Variants in CAST observed in about 807,000 individuals in gnomAD.
The protein encoded by CAST is MIR583 host.
CAST carries 76 observed loss-of-function variants against 119.6 expected under a neutral mutation model. The observed-to-expected ratio is 0.64, with a 90% CI of 0.53 to 0.77. CAST has a LOEUF of 0.77. Ranked by LOEUF, CAST falls within the 30% of genes least tolerant of loss-of-function variation. The probability of loss-of-function intolerance (pLI) is 0.00; values close to 1 mark genes in which losing one functional copy is unlikely to be tolerated. For missense variants in CAST, 953 were observed against 946.5 expected, an observed-to-expected ratio of 1.01 and a Z score of -0.09; for synonymous variants, 319 against 331.6, an observed-to-expected ratio of 0.96 and a Z score of 0.41.
chr5:96,569,591 C>T (rs1746537044), intron 1 of CAST, among the ~76,000 whole-genome samples: 1 of 152,148 alleles, frequency 6.6e-6, no homozygotes, highest in South Asian at 2.1e-4. Context: ...TGTCAATTTC[C>T]ACATCCATCT....
chr5:96,480,348 A>G, the CAST span, among the ~76,000 whole-genome samples: 1 of 152,198 alleles, frequency 6.6e-6, no homozygotes, highest in African/African-American at 2.4e-5. Flanking sequence ...ATCTGTTTTG[A>G]ATTATTATGA....
the CAST span, among the ~76,000 whole-genome samples, chr5:96,381,335 G>A: frequency 1.3e-5 from 2 of 152,040 alleles, no homozygotes; most frequent in Non-Finnish European, 2.9e-5. Flanking sequence ...AATACAGAAA[G>A]TTTCAATAGA....
chr5:96,355,239 TCTC>T, the CAST span, among the ~76,000 whole-genome samples: 123 of 151,888 alleles, frequency 8.1e-4, no homozygotes, highest in African/African-American at 2.8e-3. Context: ...GTCCATGTGT[TCTC>T]CTTGTTCAAC....
At chr5:96,061,872 A>T in the CAST span, among the ~76,000 whole-genome samples, 1 of 152,242 alleles carries the variant, frequency 6.6e-6, no homozygotes, top group African/African-American at 2.4e-5. Context: ...ACCAGAGAGC[A>T]TCCATTATGG....
At chr5:96,416,744 A>G in the CAST span, among the ~76,000 whole-genome samples, 1 of 152,236 alleles carries the variant, frequency 6.6e-6, no homozygotes. Context: ...TGGAAAGCCA[A>G]GATGCTCCTG....
chr5:96,586,002 G>A (rs1353144020), intron 1 of CAST, among the ~76,000 whole-genome samples: 1 of 152,150 alleles, frequency 6.6e-6, no homozygotes, highest in African/African-American at 2.4e-5. Context: ...AAAACTAACA[G>A]CTAAGATATA....
the CAST span, among the ~76,000 whole-genome samples, chr5:96,507,522 A>G: frequency 6.6e-6 from 1 of 151,982 alleles, no homozygotes; most frequent in African/African-American, 2.4e-5. Context: ...CCAGAAGAAT[A>G]GTTTTCGCTG....
chr5:96,127,144 A>G, the CAST span, among the ~76,000 whole-genome samples: 12 of 152,242 alleles, frequency 7.9e-5, no homozygotes, highest in African/African-American at 2.9e-4. Context: ...TGAGCGTAAT[A>G]TATAGCTTTA....
chr5:96,125,405 G>T, the CAST span, among the ~76,000 whole-genome samples: 2 of 152,078 alleles, frequency 1.3e-5, no homozygotes, highest in Non-Finnish European at 2.9e-5. Flanking sequence ...GCATCTAAAG[G>T]TTAGCTCTTT....
the CAST span, among the ~76,000 whole-genome samples, chr5:96,343,768 G>A: frequency 1.3e-5 from 2 of 152,322 alleles, no homozygotes; most frequent in African/African-American, 4.8e-5. Flanking sequence ...AAATAATGGT[G>A]TGATTTACAA....
intron 1 of CAST, among the ~76,000 whole-genome samples, chr5:96,619,192 C>T (rs1226483594): frequency 6.6e-6 from 1 of 152,134 alleles, no homozygotes; most frequent in East Asian, 1.9e-4. Flanking sequence ...CCAATCAGCA[C>T]TCTGTATCTA....
the CAST span, among the ~76,000 whole-genome samples, chr5:96,159,896 G>C: frequency 6.6e-6 from 1 of 151,710 alleles, no homozygotes; most frequent in Non-Finnish European, 1.5e-5. Flanking sequence ...CACTTTGGGA[G>C]GCTGAGGCGG....
the CAST span, chr5:96,432,235 A>G: frequency 1.0e-6 from 1 of 969,098 alleles, no homozygotes; most frequent in African/African-American, 1.6e-5. Flanking sequence ...GCGGGGATAG[A>G]TGGTCCCGTG....
At chr5:96,396,893 T>G in the CAST span, among the ~76,000 whole-genome samples, 1 of 152,222 alleles carries the variant, frequency 6.6e-6, no homozygotes, top group Admixed American at 6.5e-5. Context: ...AAGATATCTC[T>G]CCAAACATTA....
At chr5:96,082,687 T>C in the CAST span, among the ~76,000 whole-genome samples, 1 of 152,202 alleles carries the variant, frequency 6.6e-6, no homozygotes, top group Non-Finnish European at 1.5e-5. Flanking sequence ...TACAGTATGA[T>C]CATGATCCCA....
At chr5:96,307,576 G>T in the CAST span, among the ~76,000 whole-genome samples, 1 of 152,172 alleles carries the variant, frequency 6.6e-6, no homozygotes, top group Non-Finnish European at 1.5e-5. Flanking sequence ...GCATGTTTGT[G>T]CAGTGGCTGG....
chr5:96,551,383 C>T, intron 1 of CAST, among the ~76,000 whole-genome samples: 1 of 152,150 alleles, frequency 6.6e-6, no homozygotes, highest in East Asian at 1.9e-4. Flanking sequence ...ATTTTTGTCA[C>T]CCCCAGGCCT....
the CAST span, among the ~76,000 whole-genome samples, chr5:96,054,268 G>A: frequency 6.6e-6 from 1 of 151,844 alleles, no homozygotes; most frequent in African/African-American, 2.4e-5. Flanking sequence ...ATAAAGACAG[G>A]TTTTTCTCTG....
the CAST span, among the ~76,000 whole-genome samples, chr5:96,166,005 C>A: frequency 6.6e-6 from 1 of 152,088 alleles, no homozygotes; most frequent in Non-Finnish European, 1.5e-5. Flanking sequence ...AACATTTCAT[C>A]ACTTTCTTAG....
Sources: allele counts gnomAD v4.1 joint callset (sites outside exome capture counted in the v4.1 genomes callset), GRCh38; gene constraint gnomAD v4.1.1; transcripts MANE v1.5; gene names NCBI Gene and HGNC (gene_info 2026-07-23, HGNC 2026-07-21).